Variants in DCUN1D2 observed in about 807,000 individuals in gnomAD.
The protein encoded by DCUN1D2 is DCN1-like protein 2.
DCUN1D2 carries 29 observed loss-of-function variants against 30.9 expected under a neutral mutation model. That is an observed-to-expected ratio of 0.94 (90% CI 0.70 to 1.28). The LOEUF is 1.28. Among genes scored for constraint, DCUN1D2 ranks in the 50% most tolerant of loss-of-function variants. The pLI is 0.00. For missense variants in DCUN1D2, 325 were observed against 316.9 expected (o/e 1.03, Z -0.19); for synonymous variants, 121 against 115.3 (o/e 1.05, Z -0.32).
chr13:113,461,088 A>G lies in DCUN1D2; in HGVS notation c.569T>C (p.Phe190Ser). ...TGTGTTCCAGAGATCTAAAAATTTA[A>G]ACCTTCCAGATAACACTAATTTCCA... ...AYWKLVLSGR[F>S]KFLDLWNTFL... The change falls in exon 5 of 7, where the codon TTT (phenylalanine) becomes TCT (serine). Residue 190 changes from phenylalanine to serine, a missense_variant. Transcript: ENST00000478244. 1 of 1,611,586 alleles carries G rather than the reference A, an allele frequency of 6.2e-7. No individual in the cohort carries two copies. Among genetic ancestry groups the G allele is most frequent in the Non-Finnish European group, 8.5e-7 (1 of 1,178,402 alleles).
chr13:113,466,232 T>G (rs1238613199), intron 4 of DCUN1D2, among the ~76,000 whole-genome samples: 1 of 152,206 alleles, frequency 6.6e-6, no homozygotes, highest in Non-Finnish European at 1.5e-5. Flanking sequence ...TGATGATAGT[T>G]ACTGAGTAAT....
intron 1 of DCUN1D2, among the ~76,000 whole-genome samples, chr13:113,486,156 A>T (rs1252224045): frequency 1.3e-5 from 2 of 152,184 alleles, no homozygotes. Flanking sequence ...ATACCATGGC[A>T]TACTACATAG....
chr13:113,484,853 G>A (rs1255474622), intron 1 of DCUN1D2, among the ~76,000 whole-genome samples: 2 of 151,988 alleles, frequency 1.3e-5, no homozygotes, highest in African/African-American at 2.4e-5. Flanking sequence ...AGGCTGAGGC[G>A]GATCACCTGA....
At chr13:113,490,936 G>C (rs1024744752), upstream of DCUN1D2, 20 of 216,674 alleles carry the variant, frequency 9.2e-5, no homozygotes, top group African/African-American at 3.5e-4. This position sits in a 1 kb window ranked among gnomAD's most constrained non-coding sequence, Gnocchi z 5.2. Flanking sequence ...CAGGCCCCAC[G>C]CCGGCCAGGA....
At chr13:113,480,209 T>A (rs2044683950) in intron 3 of DCUN1D2, among the ~76,000 whole-genome samples, 1 of 152,178 alleles carries the variant, frequency 6.6e-6, no homozygotes, top group Non-Finnish European at 1.5e-5. Flanking sequence ...GACATCTTAG[T>A]TTTTAACAGA....
chr13:113,480,789 G>A (rs748732696), intron 2 of DCUN1D2, 46 bp from the exon 3 acceptor site: 9 of 1,599,070 alleles, frequency 5.6e-6, no homozygotes, highest in Non-Finnish European at 8.6e-7. Context: ...ATTTTGAAAA[G>A]TAATTCTAAA....
intron 4 of DCUN1D2, among the ~76,000 whole-genome samples, chr13:113,464,485 A>T (rs1258940188): frequency 1.3e-5 from 2 of 152,254 alleles, no homozygotes; most frequent in African/African-American, 2.4e-5. Context: ...TAAATTTTGC[A>T]ACTCTGAACT....
intron 5 of DCUN1D2, 52 bp from the exon 6 acceptor site, chr13:113,459,460 ACT>A (rs759475411): frequency 2.4e-6 from 2 of 818,122 alleles, no homozygotes; most frequent in East Asian, 4.8e-5. Flanking sequence ...ACAGAGCTTA[ACT>A]CTCATATATT....
chr13:113,481,713 G>A (rs969827261), intron 2 of DCUN1D2, among the ~76,000 whole-genome samples: 3 of 151,800 alleles, frequency 2.0e-5, no homozygotes, highest in African/African-American at 4.8e-5. Flanking sequence ...GCGAAACCCC[G>A]TCTCTACTAA....
intron 4 of DCUN1D2, among the ~76,000 whole-genome samples, chr13:113,463,293 C>T (rs927028675): frequency 2.6e-5 from 4 of 152,114 alleles, no homozygotes; most frequent in African/African-American, 7.2e-5. Context: ...GCTTGTGATG[C>T]TCCACTTAGG....
chr13:113,486,175 A>G (rs902284401), intron 1 of DCUN1D2, among the ~76,000 whole-genome samples: 4 of 152,176 alleles, frequency 2.6e-5, no homozygotes, highest in African/African-American at 9.7e-5. Flanking sequence ...AGCCATAAAA[A>G]GGACCGAGAT....
chr13:113,474,100 T>A (rs1000898292), intron 4 of DCUN1D2, 24 bp downstream of exon 4: 1 of 1,603,082 alleles, frequency 6.2e-7, no homozygotes, highest in Non-Finnish European at 8.5e-7. Context: ...TCTGGCATTT[T>A]ACGTATTTGG....
At chr13:113,479,629 A>G (rs560545055) in intron 3 of DCUN1D2, among the ~76,000 whole-genome samples, 5 of 152,296 alleles carry the variant, frequency 3.3e-5, no homozygotes, top group Non-Finnish European at 7.3e-5. Flanking sequence ...GGCATGAGGC[A>G]TGAGAATCGC....
At chr13:113,469,036 G>A (rs77515878) in intron 4 of DCUN1D2, 3,655 of 152,510 alleles carry the variant, frequency 0.024, 64 homozygotes, top group Non-Finnish European at 0.041. Context: ...CAGGCTGGGC[G>A]GGAAAGGGAC....
intron 4 of DCUN1D2, among the ~76,000 whole-genome samples, chr13:113,472,596 C>A (rs779543438): frequency 3.3e-5 from 5 of 152,212 alleles, no homozygotes; most frequent in Non-Finnish European, 5.9e-5. Flanking sequence ...CGAGGTCATC[C>A]GGCCTTTCTG....
At chr13:113,465,482 G>A (rs2044385748) in intron 4 of DCUN1D2, among the ~76,000 whole-genome samples, 1 of 150,988 alleles carries the variant, frequency 6.6e-6, no homozygotes, top group East Asian at 1.9e-4. Flanking sequence ...AAACTGGGGT[G>A]AGGAAACAGA....
intron 2 of DCUN1D2, among the ~76,000 whole-genome samples, chr13:113,482,925 G>A (rs2044735447): frequency 6.6e-6 from 1 of 152,118 alleles, no homozygotes; most frequent in African/African-American, 2.4e-5. Flanking sequence ...CCTGGTGACA[G>A]AGCAAGACTC....
rs561941389 is a variant in DCUN1D2, at chr13:113,481,128, A to G, written c.221-385T>C. On this transcript the variant is annotated intron_variant, in intron 2 of 6. Coordinates refer to ENST00000478244, the MANE Select transcript of DCUN1D2 (RefSeq NM_001014283.2). ...ATACTGTATTGATAAAGTATTTACAATATCTTGAGTTTTTATCACAACTCT... is the reference window on the plus strand; with the variant it reads ...ATACTGTATTGATAAAGTATTTACAGTATCTTGAGTTTTTATCACAACTCT... 2.0e-5 allele frequency among the ~76,000 whole-genome samples: 3 copies of G among 152,340 alleles called. No individual in the cohort carries two copies. In the East Asian group the frequency reaches 5.8e-4, roughly 29 times the overall value.
intron 6 of DCUN1D2, among the ~76,000 whole-genome samples, chr13:113,458,420 G>A (rs79244574): frequency 6.6e-6 from 1 of 152,134 alleles, no homozygotes; most frequent in Non-Finnish European, 1.5e-5. Context: ...GGACCCCCGC[G>A]GAGCAGGAGG....
Sources: gnomAD v4.1 joint callset for allele counts (sites outside exome capture counted in the v4.1 genomes callset) on GRCh38, gnomAD v4.1.1 for gene constraint, Gnocchi (gnomAD v3.1) non-coding constraint, MANE v1.5 for transcripts, NCBI Gene and HGNC (gene_info 2026-07-23, HGNC 2026-07-21) for gene names.